The following ALDH1A2 variants were observed in gnomAD, a reference collection of about 807,000 sequenced individuals.
The protein encoded by ALDH1A2 is retinal dehydrogenase 2.
In ALDH1A2, 27 loss-of-function variants were observed where a neutral mutation model predicts 60.3. The ratio of observed to expected loss-of-function variants is 0.45; its 90% confidence interval spans 0.33 to 0.62. The LOEUF (loss-of-function observed/expected upper bound fraction) is 0.62. Ranked by LOEUF, ALDH1A2 falls within the 20% of genes least tolerant of loss-of-function variation. The pLI, the probability that ALDH1A2 is intolerant of heterozygous loss-of-function variation, is 0.02. For synonymous variants in ALDH1A2, 289 were observed against 232.4 expected (o/e 1.24, Z -2.21); for missense variants, 581 against 643.8 (o/e 0.90, Z 1.06).
intron 1 of ALDH1A2, among the ~76,000 whole-genome samples, chr15:58,053,581 T>C (rs1896828529): frequency 6.6e-6 from 1 of 152,194 alleles, no homozygotes; most frequent in Non-Finnish European, 1.5e-5. Flanking sequence ...CTATACTAAA[T>C]GCTGAGCAAT....
intron 4 of ALDH1A2, among the ~76,000 whole-genome samples, chr15:58,000,027 G>C (rs1188499624): frequency 6.6e-6 from 1 of 151,816 alleles, no homozygotes. Context: ...ACACAGGAAG[G>C]GGAACAACAG....
intron 1 of ALDH1A2, among the ~76,000 whole-genome samples, chr15:58,061,596 AAAAAAAAAAAAAAC>A (rs1308046876): frequency 1.6e-4 from 16 of 101,656 alleles, no homozygotes; most frequent in East Asian, 1.1e-3. Flanking sequence ...TCCTTCCCTC[AAAAAAAAAAAAAAC>A]AAAAAAAAAA....
rs574327117 is a variant in ALDH1A2, at chr15:57,999,615, G to A, written c.494-4476C>T. On this transcript the variant is annotated intron_variant, in intron 4 of 12. Coordinates refer to ENST00000249750, the MANE Select transcript of ALDH1A2 (RefSeq NM_003888.4). ...TTTGTTTACATTCCCACTGTTGGTG[G>A]GAATGTAAATTAGTTCAACCATTGT... 2.7e-3 allele frequency among the ~76,000 whole-genome samples: 413 copies of A among 151,924 alleles called. 2 individuals carry two copies. The highest frequency in any genetic ancestry group is 9.4e-3 in the African/African-American group (391 of 41,442).
intron 7 of ALDH1A2, among the ~76,000 whole-genome samples, chr15:57,972,788 TAAATA>T (rs1894114731): frequency 6.6e-6 from 1 of 152,146 alleles, no homozygotes; most frequent in African/African-American, 2.4e-5. Flanking sequence ...CTGGTATTTT[TAAATA>T]AAATACTGAA....
intron 1 of ALDH1A2, among the ~76,000 whole-genome samples, chr15:58,038,034 C>A (rs1370774756): frequency 6.6e-6 from 1 of 151,274 alleles, no homozygotes; most frequent in African/African-American, 2.4e-5. Context: ...TCTCTATCTT[C>A]CTGCCTCTTG....
chr15:58,064,746 G>A (rs1329606924), intron 1 of ALDH1A2, among the ~76,000 whole-genome samples: 1 of 151,436 alleles, frequency 6.6e-6, no homozygotes, highest in Non-Finnish European at 1.5e-5. Flanking sequence ...TTTCTATGTC[G>A]AATTTGTGGA....
chr15:58,004,730 C>CATATATATAT (rs33963185), intron 4 of ALDH1A2, among the ~76,000 whole-genome samples: 5 of 140,712 alleles, frequency 3.6e-5, no homozygotes, highest in Non-Finnish European at 6.1e-5. Context: ...TATATATATA[C>CATATATATAT]ATATATATAT....
At chr15:58,034,695 G>A (rs1361061173) in intron 1 of ALDH1A2, among the ~76,000 whole-genome samples, 1 of 151,590 alleles carries the variant, frequency 6.6e-6, no homozygotes, top group Non-Finnish European at 1.5e-5. Flanking sequence ...GCTGAATTTT[G>A]TCAAATACTC....
intron 1 of ALDH1A2, among the ~76,000 whole-genome samples, chr15:58,053,571 C>T (rs1896828308): frequency 6.6e-6 from 1 of 152,066 alleles, no homozygotes; most frequent in Non-Finnish European, 1.5e-5. Context: ...GCATACATGC[C>T]TATACTAAAT....
At chr15:57,978,020 T>C (rs1201805008) in intron 7 of ALDH1A2, among the ~76,000 whole-genome samples, 2 of 152,206 alleles carry the variant, frequency 1.3e-5, no homozygotes, top group Non-Finnish European at 2.9e-5. Context: ...ATAGGAATAC[T>C]TGTGATTTTT....
At chr15:58,001,549 G>A (rs1305973929) in intron 4 of ALDH1A2, among the ~76,000 whole-genome samples, 11 of 151,918 alleles carry the variant, frequency 7.2e-5, no homozygotes, top group Admixed American at 3.3e-4. Context: ...AATGGAGACA[G>A]TGTTAATTCT....
chr15:58,008,347 A>G (rs1895525695), intron 4 of ALDH1A2, among the ~76,000 whole-genome samples: 1 of 152,100 alleles, frequency 6.6e-6, no homozygotes, highest in Admixed American at 6.6e-5. Flanking sequence ...CTACTGTGAG[A>G]GCCCTATGAG....
At chr15:58,006,322 A>T (rs1421498894) in intron 4 of ALDH1A2, among the ~76,000 whole-genome samples, 1 of 152,040 alleles carries the variant, frequency 6.6e-6, no homozygotes, top group Non-Finnish European at 1.5e-5. Context: ...AGCTCCATTC[A>T]AGATGTTGCA....
chr15:57,991,263 A>C (rs996536502), intron 7 of ALDH1A2, among the ~76,000 whole-genome samples: 4 of 152,232 alleles, frequency 2.6e-5, no homozygotes, highest in Non-Finnish European at 5.9e-5. Flanking sequence ...TCAAAGCATT[A>C]AACTTCAGAA....
intron 1 of ALDH1A2, among the ~76,000 whole-genome samples, chr15:58,045,832 A>T (rs551573804): frequency 2.0e-5 from 3 of 152,146 alleles, no homozygotes; most frequent in African/African-American, 7.2e-5. Context: ...AAGTATAATT[A>T]AAAAAGAATA....
chr15:58,058,934 CCAG>C (rs765826410), intron 1 of ALDH1A2, among the ~76,000 whole-genome samples: 59 of 152,168 alleles, frequency 3.9e-4, no homozygotes, highest in Admixed American at 1.6e-3. Flanking sequence ...TGTTTAGAGC[CCAG>C]CAGAAGTCTA....
rs74018836 is a variant in ALDH1A2 at position 58,056,788 on chromosome 15, A to T, written c.117+8746T>A. On this transcript the variant is annotated intron_variant, in intron 1 of 12. Transcript: ENST00000249750. Reference sequence around the variant, plus strand: ...AAACGGCCAACATGAAACGATGCTCAATCTCACAAGAAATCAAGGAAACAC... The same window carrying T: ...AAACGGCCAACATGAAACGATGCTCTATCTCACAAGAAATCAAGGAAACAC... 8.3e-3 allele frequency among the ~76,000 whole-genome samples: 1,261 copies of T among 152,240 alleles called. 21 individuals carry two copies. Among genetic ancestry groups the T allele is most frequent in the African/African-American group, 0.029 (1,192 of 41,546 alleles).
At chr15:58,024,064 G>C (rs969917926) in intron 1 of ALDH1A2, among the ~76,000 whole-genome samples, 1 of 152,138 alleles carries the variant, frequency 6.6e-6, no homozygotes, top group African/African-American at 2.4e-5. Context: ...TTGCACTCCA[G>C]CCTGGGCAAC....
At chr15:58,061,156 G>A (rs1259648338) in intron 1 of ALDH1A2, among the ~76,000 whole-genome samples, 2 of 152,120 alleles carry the variant, frequency 1.3e-5, no homozygotes, top group Admixed American at 6.6e-5. Flanking sequence ...GTAGTGGAAG[G>A]GATCAGGGCA....
Sources: gnomAD v4.1 joint callset for allele counts (sites outside exome capture counted in the v4.1 genomes callset) on GRCh38, gnomAD v4.1.1 for gene constraint, MANE v1.5 for transcripts, NCBI Gene and HGNC (gene_info 2026-07-23, HGNC 2026-07-21) for gene names.